Variants in RLF observed in about 807,000 individuals in gnomAD.
The protein encoded by RLF is RLF zinc finger, also known as zinc finger protein Rlf.
Under a neutral mutation model 162.9 loss-of-function variants are expected in RLF, and 7 were observed. That is an observed-to-expected ratio of 0.04 (90% CI 0.02 to 0.08). The LOEUF is 0.08. Among genes scored for constraint, RLF ranks in the 10% least tolerant of loss-of-function variants. The pLI, the probability that RLF is intolerant of heterozygous loss-of-function variation, is 1.00. For synonymous variants in RLF, 782 were observed against 791.5 expected, an observed-to-expected ratio of 0.99 and a Z score of 0.20; for missense variants, 1,664 against 2,244.7, an observed-to-expected ratio of 0.74 and a Z score of 5.23.
chr1:40,180,481 C>T (rs1468988898), intron 1 of RLF, among the ~76,000 whole-genome samples: 2 of 152,056 alleles, frequency 1.3e-5, no homozygotes, highest in African/African-American at 2.4e-5. Context: ...AGGCTGGTCT[C>T]GAACTCCTGA....
chr1:40,176,759 A>G (rs61780422), intron 1 of RLF, among the ~76,000 whole-genome samples: 8 of 152,222 alleles, frequency 5.3e-5, no homozygotes, highest in East Asian at 3.9e-4. Context: ...ACTTATGTCA[A>G]GTGTCTTTTC....
chr1:40,227,333 A>G (rs756643424), intron 6 of RLF, among the ~76,000 whole-genome samples: 32 of 152,156 alleles, frequency 2.1e-4, no homozygotes, highest in African/African-American at 3.9e-4. Context: ...ATGATTTTCA[A>G]TGGTTGGCTT....
intron 6 of RLF, among the ~76,000 whole-genome samples, chr1:40,227,509 T>A (rs1019177644): frequency 6.6e-6 from 1 of 152,220 alleles, no homozygotes; most frequent in African/African-American, 2.4e-5. Context: ...AGTAACATAC[T>A]GGCTGTCGTG....
intron 6 of RLF, among the ~76,000 whole-genome samples, chr1:40,224,306 CTTTT>C (rs869123049): frequency 4.7e-5 from 6 of 127,928 alleles, no homozygotes; most frequent in African/African-American, 1.1e-4. Context: ...GCAATTGCAT[CTTTT>C]TTTTTTTTTT....
chr1:40,226,669 A>G (rs1380848747), intron 6 of RLF, among the ~76,000 whole-genome samples: 1 of 152,114 alleles, frequency 6.6e-6, no homozygotes, highest in Admixed American at 6.6e-5. Flanking sequence ...TTACTATTGT[A>G]ATAGCTTTAA....
intron 1 of RLF, among the ~76,000 whole-genome samples, chr1:40,184,675 G>A (rs574322042): frequency 2.0e-5 from 3 of 152,146 alleles, no homozygotes; most frequent in South Asian, 2.1e-4. Flanking sequence ...TGAGAGCACC[G>A]AATAGTCAAA....
intron 1 of RLF, among the ~76,000 whole-genome samples, chr1:40,180,255 T>G (rs1570522351): frequency 6.6e-6 from 1 of 152,088 alleles, no homozygotes; most frequent in Admixed American, 6.6e-5. Flanking sequence ...TTTCTGTTCT[T>G]TACTTTTCTT....
intron 7 of RLF, among the ~76,000 whole-genome samples, chr1:40,234,224 A>G (rs1643189272): frequency 1.3e-5 from 2 of 152,196 alleles, no homozygotes; most frequent in Admixed American, 6.5e-5. Flanking sequence ...TGCTGGGATT[A>G]CAGGTGTGAG....
chr1:40,208,365 A>C (rs1557751663), intron 5 of RLF, among the ~76,000 whole-genome samples: 2 of 152,208 alleles, frequency 1.3e-5, no homozygotes, highest in Non-Finnish European at 2.9e-5. Context: ...TCTGGTGATA[A>C]AGAAATCAAA....
In RLF at chr1:40,235,851, A is replaced by T; in HGVS notation, c.1149A>T (p.Arg383Ser). 6.2e-7 allele frequency: 1 copy of T among 1,613,974 alleles called. No individual in the cohort carries two copies. Among genetic ancestry groups the T allele is most frequent in the Non-Finnish European group, 8.5e-7 (1 of 1,179,950 alleles). ...ILLCVRALQL[R>S]SSEDEEMKAS... ...TGTGTGTCAGAGCTCTTCAACTCAG[A>T]TCAAGTGAAGATGAGGAAATGAAGG... The change falls in exon 8 of 8, where the codon AGA (arginine) becomes AGT (serine). Residue 383 changes from arginine (R) to serine (S), a missense_variant. Transcript: ENST00000372771.
chr1:40,239,813 C>T lies in RLF; in HGVS notation c.5111C>T (p.Pro1704Leu). 6.2e-7 allele frequency: 1 copy of T among 1,614,122 alleles called. No individual in the cohort carries two copies. The highest frequency in any genetic ancestry group is 1.1e-5 in the South Asian group (1 of 91,076). The change falls in exon 8 of 8, where the codon CCC becomes CTC. Residue 1704 changes from proline (P) to leucine (L), a missense_variant. Pro to Leu is a moderately conservative substitution (Grantham distance 98). Coordinates refer to ENST00000372771, the MANE Select transcript of RLF (RefSeq NM_012421.4). ...PCKIENSIPNPNGTESGTYFT... is the reference protein window; with the variant it reads ...PCKIENSIPNLNGTESGTYFT... The stretch of plus-strand genomic sequence containing the variant: ...AAAATAGAAAATTCCATACCTAATC[C>T]CAATGGGACTGAAAGTGGGACTTAT...
chr1:40,240,452 C>A lies in RLF; in HGVS notation c.*5C>A. On this transcript the variant is annotated 3_prime_UTR_variant, in exon 8 of 8. Coordinates refer to ENST00000372771, the MANE Select transcript of RLF (RefSeq NM_012421.4). ...CTTTGTGTAGGAAGTTCATAAGTAGCAATTTTGTTTTAGTAACAGACTGGC... is the reference window on the plus strand; with the variant it reads ...CTTTGTGTAGGAAGTTCATAAGTAGAAATTTTGTTTTAGTAACAGACTGGC... 1.2e-6 allele frequency: 2 copies of A among 1,601,584 alleles called. No individual in the cohort carries two copies. Among genetic ancestry groups the A allele is most frequent in the Non-Finnish European group, 1.7e-6 (2 of 1,172,364 alleles).
intron 5 of RLF, among the ~76,000 whole-genome samples, chr1:40,210,975 T>C (rs1223823808): frequency 6.6e-6 from 1 of 152,224 alleles, no homozygotes; most frequent in African/African-American, 2.4e-5. Flanking sequence ...TACGATTTGA[T>C]ACTATTCACA....
intron 5 of RLF, among the ~76,000 whole-genome samples, chr1:40,221,162 G>C (rs1200996427): frequency 6.6e-6 from 1 of 151,646 alleles, no homozygotes; most frequent in Non-Finnish European, 1.5e-5. Flanking sequence ...AAAAGGTAAA[G>C]GCCAGTATGA....
At chr1:40,169,643 A>T (rs1642214584) in intron 1 of RLF, among the ~76,000 whole-genome samples, 2 of 150,934 alleles carry the variant, frequency 1.3e-5, no homozygotes, top group South Asian at 2.1e-4. Flanking sequence ...AAAAAAAAAA[A>T]AATAAGTGCT....
intron 1 of RLF, among the ~76,000 whole-genome samples, chr1:40,162,113 C>A (rs1487692167): frequency 6.6e-6 from 1 of 151,600 alleles, no homozygotes; most frequent in Non-Finnish European, 1.5e-5. Context: ...AAAGGTATGA[C>A]AGTTGGCTTC....
chr1:40,230,885 A>G (rs1421967971), intron 6 of RLF, among the ~76,000 whole-genome samples: 1 of 152,140 alleles, frequency 6.6e-6, no homozygotes, highest in Non-Finnish European at 1.5e-5. Context: ...TGTTTTACCC[A>G]TTAAATGTTT....
At chr1:40,185,843 C>CAAAAAAAAAAAAAAAAAAAAACA (rs1642471832) in intron 1 of RLF, among the ~76,000 whole-genome samples, 2 of 67,548 alleles carry the variant, frequency 3.0e-5, no homozygotes, top group African/African-American at 1.2e-4. Context: ...AAAAAAAAAG[C>CAAAAAAAAAAAAAAAAAAAAACA]AAAAAAAAAA....
In RLF at chr1:40,236,581, G is replaced by A. The variant is rs139515216; in HGVS notation, c.1879G>A (p.Gly627Ser). 228 of 1,614,058 alleles carry A rather than the reference G, an allele frequency of 1.4e-4. 1 individual carries two copies. In the East Asian group the frequency reaches 4.4e-3, roughly 31 times the overall value. The stretch of plus-strand genomic sequence containing the variant: ...ATTACTGTTAAAAGGCTCTCAAAAG[G>A]GTATTTGTCCTAAGAGCCCCTCTGC... ...KKLLLKGSQK[G>S]ICPKSPSAIP... Residue 627 changes from glycine to serine, a missense_variant, in exon 8 of 8, where the codon GGT (glycine) becomes AGT (serine). Gly to Ser is a moderately conservative substitution (Grantham distance 56). Coordinates refer to ENST00000372771, the MANE Select transcript of RLF (RefSeq NM_012421.4). The surrounding 1 kb of genome is among the most constrained non-coding windows in gnomAD (Gnocchi z 7.7).
Sources: gnomAD v4.1 joint callset for allele counts (sites outside exome capture counted in the v4.1 genomes callset) on GRCh38, gnomAD v4.1.1 for gene constraint, Gnocchi (gnomAD v3.1) non-coding constraint, MANE v1.5 for transcripts, NCBI Gene and HGNC (gene_info 2026-07-23, HGNC 2026-07-21) for gene names.